ZC3H12B: variants seen among roughly 807,000 people sequenced by gnomAD.
The protein encoded by ZC3H12B is probable ribonuclease ZC3H12B.
ZC3H12B carries 7 observed loss-of-function variants against 43.9 expected under a neutral mutation model. That is an observed-to-expected ratio of 0.16 (90% CI 0.09 to 0.30). The LOEUF (loss-of-function observed/expected upper bound fraction) is 0.30. Among genes scored for constraint, ZC3H12B ranks in the 10% least tolerant of loss-of-function variants. ZC3H12B has a pLI of 1.00. For missense variants in ZC3H12B, 475 were observed against 670.2 expected (o/e 0.71, Z 3.22); for synonymous variants, 222 against 241.7 (o/e 0.92, Z 0.76).
intron 3 of ZC3H12B, among the ~76,000 whole-genome samples, chrX:65,409,495 G>A (rs908563071): frequency 9.3e-6 from 1 of 107,957 alleles, no homozygotes; most frequent in East Asian, 2.9e-4. Context: ...TGGAATGAAA[G>A]AAGTAGTATT....
At chrX:65,197,070 G>A in the ZC3H12B span, among the ~76,000 whole-genome samples, 1 of 111,825 alleles carries the variant, frequency 8.9e-6, no homozygotes, top group Non-Finnish European at 1.9e-5. Context: ...GAGCCAGCAA[G>A]TGCCCCCAGG....
the ZC3H12B span, among the ~76,000 whole-genome samples, chrX:65,141,747 T>A: frequency 1.8e-5 from 2 of 111,303 alleles, no homozygotes; most frequent in Admixed American, 1.9e-4. Flanking sequence ...CTCCCACATA[T>A]GAATGAGAAC....
chrX:65,391,571 G>A (rs915738043), intron 2 of ZC3H12B, among the ~76,000 whole-genome samples: 3 of 111,619 alleles, frequency 2.7e-5, no homozygotes, highest in Admixed American at 9.5e-5. Context: ...ACAGGATGGA[G>A]GGCAATTGTT....
At chrX:65,086,495 C>T in the ZC3H12B span, among the ~76,000 whole-genome samples, 10 of 111,471 alleles carry the variant, frequency 9.0e-5, no homozygotes, top group South Asian at 3.5e-3. Context: ...GCCCCGCCAC[C>T]GAAATCCATA....
chrX:65,195,328 T>C, the ZC3H12B span, among the ~76,000 whole-genome samples: 4 of 111,733 alleles, frequency 3.6e-5, no homozygotes, highest in African/African-American at 1.3e-4. Context: ...TTGCATATCT[T>C]TGTGGGTTTT....
the ZC3H12B span, among the ~76,000 whole-genome samples, chrX:65,155,011 A>T: frequency 1.9e-5 from 2 of 107,546 alleles, no homozygotes. Flanking sequence ...GTGGGAGTAC[A>T]GTGGCACAAT....
At chrX:65,319,847 G>T in the ZC3H12B span, among the ~76,000 whole-genome samples, 1 of 111,059 alleles carries the variant, frequency 9.0e-6, no homozygotes, top group Admixed American at 9.6e-5. Flanking sequence ...GATGCAAAAA[G>T]AGCTTTTGAT....
At chrX:65,041,250 T>G in the ZC3H12B span, among the ~76,000 whole-genome samples, 1 of 112,224 alleles carries the variant, frequency 8.9e-6, no homozygotes, top group Non-Finnish European at 1.9e-5. Flanking sequence ...CAAAATTTCA[T>G]TAATTCAGGC....
At chrX:65,157,038 T>A in the ZC3H12B span, among the ~76,000 whole-genome samples, 1 of 111,454 alleles carries the variant, frequency 9.0e-6, no homozygotes, top group African/African-American at 3.3e-5. Context: ...TGGAGTGCAG[T>A]GGCACAATCA....
upstream of ZC3H12B, among the ~76,000 whole-genome samples, chrX:65,484,887 A>G (rs1024556751): frequency 1.8e-5 from 2 of 112,334 alleles, no homozygotes; most frequent in South Asian, 7.6e-4. Context: ...CGCAAGCTGA[A>G]TAAGTTGTAT....
chrX:65,390,639 C>T (rs1202114680), intron 2 of ZC3H12B, among the ~76,000 whole-genome samples: 1 of 109,675 alleles, frequency 9.1e-6, no homozygotes, highest in Non-Finnish European at 1.9e-5. Context: ...ACCCCCACCC[C>T]CACCTTCAGC....
At chrX:65,192,426 G>T in the ZC3H12B span, among the ~76,000 whole-genome samples, 9 of 111,370 alleles carry the variant, frequency 8.1e-5, no homozygotes, top group South Asian at 1.1e-3. Flanking sequence ...TCTTTGTCAT[G>T]TTTTAGATCT....
the ZC3H12B span, among the ~76,000 whole-genome samples, chrX:65,120,190 A>C: frequency 1.8e-5 from 2 of 111,989 alleles, no homozygotes; most frequent in African/African-American, 3.2e-5. Flanking sequence ...GAAGAAAGTC[A>C]TTGGTAGCTT....
the ZC3H12B span, among the ~76,000 whole-genome samples, chrX:65,115,759 AGAT>A: frequency 8.9e-6 from 1 of 111,755 alleles, no homozygotes; most frequent in Admixed American, 9.5e-5. Context: ...TGCAAGAGTT[AGAT>A]GATATCACAT....
chrX:65,476,988 A>ATTTTTTTTTTTT (rs3065468), intron 3 of ZC3H12B, among the ~76,000 whole-genome samples: 1 of 90,738 alleles, frequency 1.1e-5, no homozygotes, highest in African/African-American at 4.5e-5. Context: ...CTCCTGACTA[A>ATTTTTTTTTTTT]TTTTTTTTTT....
chrX:65,293,597 TA>T, the ZC3H12B span, among the ~76,000 whole-genome samples: 645 of 97,741 alleles, frequency 6.6e-3, 5 homozygotes, highest in Middle Eastern at 0.015. Context: ...CTTAAAGAAA[TA>T]AAAAAAAAAG....
the ZC3H12B span, among the ~76,000 whole-genome samples, chrX:65,054,724 G>T: frequency 2.3e-3 from 252 of 111,739 alleles, 2 homozygotes; most frequent in African/African-American, 6.9e-3. Flanking sequence ...CATGAGCATG[G>T]AATGTTCTTC....
the ZC3H12B span, among the ~76,000 whole-genome samples, chrX:65,255,727 A>T: frequency 8.9e-6 from 1 of 112,356 alleles, no homozygotes; most frequent in Non-Finnish European, 1.9e-5. Flanking sequence ...GTCACAATTA[A>T]AAGGCACAAA....
the ZC3H12B span, among the ~76,000 whole-genome samples, chrX:65,179,182 T>A: frequency 9.1e-6 from 1 of 109,368 alleles, no homozygotes; most frequent in South Asian, 4.0e-4. Flanking sequence ...CCACACGTTC[T>A]CACTCATAAG....
Sources: allele counts gnomAD v4.1 joint callset (sites outside exome capture counted in the v4.1 genomes callset), GRCh38; gene constraint gnomAD v4.1.1; transcripts MANE v1.5; gene names NCBI Gene and HGNC (gene_info 2026-07-23, HGNC 2026-07-21).